RRAS2: variants seen among roughly 807,000 people sequenced by gnomAD.
RRAS2 encodes ras-related protein R-Ras2.
Under a neutral mutation model 27.6 loss-of-function variants are expected in RRAS2, and 7 were observed. That is an observed-to-expected ratio of 0.25 (90% CI 0.14 to 0.48). The LOEUF (loss-of-function observed/expected upper bound fraction) is 0.48, where lower values mean the gene tolerates loss of function less well. Ranked by LOEUF, RRAS2 falls within the 20% of genes least tolerant of loss-of-function variation. The probability of loss-of-function intolerance (pLI) is 0.99; values close to 1 mark genes in which losing one functional copy is unlikely to be tolerated. For synonymous variants in RRAS2, 86 were observed against 90.9 expected (o/e 0.95, Z 0.31); for missense variants, 178 against 256.2 (o/e 0.69, Z 2.08).
chr11:14,336,217 C>T (rs911517085), intron 1 of RRAS2, among the ~76,000 whole-genome samples: 1 of 152,160 alleles, frequency 6.6e-6, no homozygotes, highest in Non-Finnish European at 1.5e-5. Flanking sequence ...AGACACCTGC[C>T]TCACCTCACA....
At chr11:14,356,033 G>T (rs782144227) in intron 1 of RRAS2, among the ~76,000 whole-genome samples, 4 of 152,134 alleles carry the variant, frequency 2.6e-5, no homozygotes, top group Non-Finnish European at 5.9e-5. Context: ...CTAAGCCCTT[G>T]ACATGTTAAC....
chr11:14,307,712 T>G (rs563719446), intron 1 of RRAS2, among the ~76,000 whole-genome samples: 19 of 152,124 alleles, frequency 1.2e-4, no homozygotes, highest in South Asian at 1.2e-3. Flanking sequence ...AAAAAAAAAA[T>G]CCTGGTACCC....
At chr11:14,349,112 C>G (rs1435651342) in intron 1 of RRAS2, among the ~76,000 whole-genome samples, 1 of 151,952 alleles carries the variant, frequency 6.6e-6, no homozygotes, top group East Asian at 1.9e-4. Flanking sequence ...ACTATAGGCA[C>G]CCGCGACCAC....
intron 1 of RRAS2, among the ~76,000 whole-genome samples, chr11:14,303,952 T>C (rs1221771624): frequency 1.3e-5 from 2 of 152,144 alleles, no homozygotes; most frequent in African/African-American, 2.4e-5. Flanking sequence ...ACTCCAACCC[T>C]CCACCTCTGG....
At chr11:14,318,269 C>T (rs781955066) in intron 1 of RRAS2, among the ~76,000 whole-genome samples, 1 of 152,088 alleles carries the variant, frequency 6.6e-6, no homozygotes, top group East Asian at 1.9e-4. Context: ...GAGGCCAAAG[C>T]GGGTGGATCA....
At chr11:14,319,345 CTTTTTT>C (rs1156654694) in intron 1 of RRAS2, among the ~76,000 whole-genome samples, 15 of 91,516 alleles carry the variant, frequency 1.6e-4, no homozygotes, top group Admixed American at 3.1e-4. Flanking sequence ...TTCCCTCTGT[CTTTTTT>C]TTTTTTTTTT....
At chr11:14,306,637 CATCA>C (rs1554948114) in intron 1 of RRAS2, among the ~76,000 whole-genome samples, 1 of 152,122 alleles carries the variant, frequency 6.6e-6, no homozygotes, top group Non-Finnish European at 1.5e-5. Context: ...GCTCCTGAGC[CATCA>C]ATCAGTTGTA....
intron 1 of RRAS2, among the ~76,000 whole-genome samples, chr11:14,321,743 T>A (rs886352698): frequency 1.3e-5 from 2 of 152,168 alleles, no homozygotes; most frequent in Non-Finnish European, 2.9e-5. Context: ...CACTAAATGC[T>A]CCCCTGCTTC....
chr11:14,337,208 T>C (rs781838054), intron 1 of RRAS2: 5 of 152,362 alleles, frequency 3.3e-5, no homozygotes, highest in Admixed American at 1.3e-4. Flanking sequence ...TTGTTTACCA[T>C]TCTGAGTAGC....
At chr11:14,328,366 CAAAAA>C (rs71041596) in intron 1 of RRAS2, among the ~76,000 whole-genome samples, 9 of 67,722 alleles carry the variant, frequency 1.3e-4, no homozygotes, top group South Asian at 1.3e-3. Flanking sequence ...AACTCCAACT[CAAAAA>C]AAAAAAAAAA....
intron 1 of RRAS2, among the ~76,000 whole-genome samples, chr11:14,316,146 A>G (rs1554949493): frequency 1.3e-5 from 2 of 152,230 alleles, no homozygotes; most frequent in African/African-American, 4.8e-5. Context: ...CTCTGAACAT[A>G]TTTGACTGTT....
upstream of RRAS2, among the ~76,000 whole-genome samples, chr11:14,363,336 T>C (rs528331964): frequency 2.6e-5 from 4 of 152,302 alleles, no homozygotes; most frequent in Admixed American, 6.5e-5. Context: ...GTGTATTTTA[T>C]TTATTTATTT....
At chr11:14,291,954 T>A (rs1847405154) in intron 4 of RRAS2, among the ~76,000 whole-genome samples, 1 of 152,220 alleles carries the variant, frequency 6.6e-6, no homozygotes, top group African/African-American at 2.4e-5. Context: ...CAAAATTTAC[T>A]TTTTATATAC....
intron 4 of RRAS2, among the ~76,000 whole-genome samples, chr11:14,287,495 T>C (rs1554945215): frequency 6.6e-6 from 1 of 152,114 alleles, no homozygotes; most frequent in African/African-American, 2.4e-5. Context: ...CCATTATTCC[T>C]CAAAAAGATA....
chr11:14,312,274 C>T (rs1296074259), intron 1 of RRAS2, among the ~76,000 whole-genome samples: 1 of 152,170 alleles, frequency 6.6e-6, no homozygotes, highest in African/African-American at 2.4e-5. Context: ...AAGAATAAGA[C>T]ACGTCTTGAA....
At chr11:14,351,658 A>T (rs1382522685) in intron 1 of RRAS2, among the ~76,000 whole-genome samples, 1 of 151,738 alleles carries the variant, frequency 6.6e-6, no homozygotes, top group Non-Finnish European at 1.5e-5. Context: ...TGAGCCCGGG[A>T]GGTGGAGGTT....
chr11:14,332,285 A>G (rs1848495418), intron 1 of RRAS2, among the ~76,000 whole-genome samples: 1 of 152,186 alleles, frequency 6.6e-6, no homozygotes, highest in South Asian at 2.1e-4. Flanking sequence ...TCTATCAATA[A>G]GCAGACAAGT....
chr11:14,317,767 C>G (rs554719254), intron 1 of RRAS2, among the ~76,000 whole-genome samples: 1 of 152,266 alleles, frequency 6.6e-6, no homozygotes, highest in African/African-American at 2.4e-5. Context: ...ATTGCAAACT[C>G]TAAATGTACA....
chr11:14,278,531 T>C lies in RRAS2; in HGVS notation c.*806A>G, dbSNP rs1420432168. The C allele has an allele frequency of 1.3e-5, 2 of 152,230 alleles. No homozygotes were observed. The highest frequency in any genetic ancestry group is 4.8e-5 in the African/African-American group (2 of 41,470). 9.4% of individuals were successfully genotyped at this position (152,230 alleles called of 1,614,324 possible). A position where few individuals can be genotyped will look rare whatever the true frequency, so the allele number is the denominator to read the frequency against. On this transcript the variant is annotated 3_prime_UTR_variant, in exon 6 of 6. Transcript: ENST00000256196. The stretch of plus-strand genomic sequence containing the variant: ...CTGGAAAGATCAATTCCATATTTTA[T>C]ATTACAAACAAAAACAGTTTTAGTT...
Sources: gnomAD v4.1 joint callset for allele counts (sites outside exome capture counted in the v4.1 genomes callset) on GRCh38, gnomAD v4.1.1 for gene constraint, MANE v1.5 for transcripts, NCBI Gene and HGNC (gene_info 2026-07-23, HGNC 2026-07-21) for gene names.